Variants in EPHB2 observed in about 807,000 individuals in gnomAD.
The protein encoded by EPHB2 is EPH receptor B2.
EPHB2 carries 18 observed loss-of-function variants against 96.4 expected under a neutral mutation model. The ratio of observed to expected loss-of-function variants is 0.19; its 90% CI spans 0.13 to 0.28. The LOEUF is 0.28. Ranked by LOEUF, EPHB2 falls within the 10% of genes least tolerant of loss-of-function variation. The pLI, the probability that EPHB2 is intolerant of heterozygous loss-of-function variation, is 1.00. For missense variants in EPHB2, 989 were observed against 1,355.4 expected, an observed-to-expected ratio of 0.73 and a Z score of 4.25; for synonymous variants, 506 against 534.1, an observed-to-expected ratio of 0.95 and a Z score of 0.72.
intron 1 of EPHB2, among the ~76,000 whole-genome samples, chr1:22,732,115 C>T (rs1364135742): frequency 6.6e-6 from 1 of 152,264 alleles, no homozygotes; most frequent in Non-Finnish European, 1.5e-5. Context: ...CACAACCTTC[C>T]TGAGCTCCAG....
intron 3 of EPHB2, among the ~76,000 whole-genome samples, chr1:22,787,579 G>A (rs746952903): frequency 2.0e-5 from 3 of 152,112 alleles, no homozygotes; most frequent in Admixed American, 6.5e-5. Context: ...GTGAGACCCT[G>A]TCTCTACAAA....
In EPHB2 at chr1:22,791,180, CT is replaced by C. The variant is rs376108373; in HGVS notation, c.811+6115del. ...TATGAACACTGTCTTTGCCTGTGAA[CT>C]TTTTTTTTTTCCTGGTGAGCTTTTT... On this transcript the variant is annotated intron_variant, in intron 3 of 15. Coordinates refer to ENST00000374630, the MANE Select transcript of EPHB2 (RefSeq NM_017449.5). 4.5e-3 allele frequency among the ~76,000 whole-genome samples: 667 copies of C among 147,704 alleles called. 10 individuals are homozygous for C. The highest frequency in any genetic ancestry group is 0.015 in the African/African-American group (597 of 40,546).
chr1:22,808,874 C>G (rs1282743021), intron 3 of EPHB2, among the ~76,000 whole-genome samples: 1 of 152,242 alleles, frequency 6.6e-6, no homozygotes, highest in East Asian at 1.9e-4. Flanking sequence ...GTCATGCTCT[C>G]AACCACTATG....
Position 22,910,696 on chromosome 1 carries a change from G to A in EPHB2, c.2696+121G>A, listed in dbSNP as rs908257559. 30 of 1,306,488 alleles carry A rather than the reference G, an allele frequency of 2.3e-5. 1 individual carries two copies. Among genetic ancestry groups the A allele is most frequent in the Non-Finnish European group, 2.6e-5 (24 of 931,164 alleles). 80.9% of individuals were successfully genotyped at this position (1,306,488 alleles called of 1,614,324 possible). A position where few individuals can be genotyped will look rare whatever the true frequency, so the allele number is the denominator to read the frequency against. On this transcript the variant is annotated intron_variant, in intron 14 of 15. Coordinates refer to ENST00000374630, the MANE Select transcript of EPHB2 (RefSeq NM_017449.5). ...CTGCAGCTTGGGATGGGGAAGGACA[G>A]GACTAGTGTTTATTGGGTACCTGCC...
intron 3 of EPHB2, among the ~76,000 whole-genome samples, chr1:22,829,196 G>A (rs1305596460): frequency 6.6e-6 from 1 of 152,270 alleles, no homozygotes; most frequent in African/African-American, 2.4e-5. Context: ...CCACTATGGG[G>A]CTGGGAGGTA....
In EPHB2 at chr1:22,720,394, C is replaced by T. The variant is rs78655189; in HGVS notation, c.61+9351C>T. ...GAAAATTTAATGGTGGGTTATCCAG[C>T]GTCCCACTCAACATGTCCTGACCCA... On this transcript the variant is annotated intron_variant, in intron 1 of 15. Transcript: ENST00000374630. 3.9e-3 allele frequency among the ~76,000 whole-genome samples: 593 copies of T among 152,282 alleles called. 5 individuals carry two copies. Among genetic ancestry groups the T allele is most frequent in the Non-Finnish European group, 5.2e-3 (356 of 68,028 alleles).
At chr1:22,764,568 A>G (rs554229052) in intron 1 of EPHB2, among the ~76,000 whole-genome samples, 68 of 152,244 alleles carry the variant, frequency 4.5e-4, no homozygotes, top group African/African-American at 1.4e-3. Context: ...CAACATGGTG[A>G]AACCCCGTCT....
At chr1:22,861,534 G>A (rs1449856352) in intron 3 of EPHB2, among the ~76,000 whole-genome samples, 2 of 152,174 alleles carry the variant, frequency 1.3e-5, no homozygotes, top group African/African-American at 4.8e-5. Context: ...AGCACTTGCT[G>A]GGTGCAGATT....
chr1:22,736,618 A>G lies in EPHB2; in HGVS notation c.61+25575A>G, dbSNP rs1414270534. On this transcript the variant is annotated intron_variant, in intron 1 of 15. Transcript: ENST00000374630. ...CTGGAGGGGGCCCCTTCACAGCTTC[A>G]GCACGAGGCCCTTTGAGGGTGGGGG... Among the ~76,000 whole-genome samples, 6 of 152,290 alleles carry G rather than the reference A, an allele frequency of 3.9e-5. No individual in the cohort carries two copies. The East Asian group carries it at 9.7e-4, about 25-fold the overall frequency.
chr1:22,748,321 T>TA (rs1319630856), intron 1 of EPHB2, among the ~76,000 whole-genome samples: 1 of 152,098 alleles, frequency 6.6e-6, no homozygotes. Flanking sequence ...CGTTGTTTCC[T>TA]AATTAGGTTC....
intron 3 of EPHB2, among the ~76,000 whole-genome samples, chr1:22,797,475 C>T (rs1644783592): frequency 6.6e-6 from 1 of 152,140 alleles, no homozygotes; most frequent in South Asian, 2.1e-4. Context: ...ATCTCCCGAC[C>T]TCTCCACCTT....
intron 3 of EPHB2, among the ~76,000 whole-genome samples, chr1:22,834,503 T>TA (rs1193469338): frequency 3.9e-5 from 6 of 152,236 alleles, no homozygotes; most frequent in African/African-American, 1.2e-4. Flanking sequence ...GTTAAAATTT[T>TA]AGCCTTTGTG....
Position 22,903,299 on chromosome 1 carries a change from T to C in EPHB2, c.1766-2688T>C, listed in dbSNP as rs544792954. Among the ~76,000 whole-genome samples the C allele has an allele frequency of 5.3e-5, 8 of 152,312 alleles. No individual in the cohort carries two copies. The East Asian group carries it at 1.4e-3, about 26-fold the overall frequency. Reference sequence around the variant, plus strand: ...CAGAAAGGGCCTCCCTGAGTCATGTTGGGAGGGAGGCTGAAAGCCAGTTGT... The same window carrying C: ...CAGAAAGGGCCTCCCTGAGTCATGTCGGGAGGGAGGCTGAAAGCCAGTTGT... On this transcript the variant is annotated intron_variant, in intron 9 of 15. Transcript: ENST00000374630.
intron 6 of EPHB2, among the ~76,000 whole-genome samples, chr1:22,885,505 A>G (rs1639195634): frequency 6.6e-6 from 1 of 152,230 alleles, no homozygotes; most frequent in African/African-American, 2.4e-5. Flanking sequence ...TTTCATGAGC[A>G]CTTGCTATGT....
chr1:22,872,080 C>T (rs548197494), intron 5 of EPHB2, among the ~76,000 whole-genome samples: 3 of 151,960 alleles, frequency 2.0e-5, no homozygotes, highest in African/African-American at 7.2e-5. Flanking sequence ...CAGGATGTGT[C>T]CTTTCTGATG....
intron 7 of EPHB2, among the ~76,000 whole-genome samples, chr1:22,894,972 C>G (rs781697825): frequency 7.2e-5 from 11 of 152,130 alleles, no homozygotes; most frequent in African/African-American, 9.7e-5. Context: ...AGTGCTTTAC[C>G]CAACAATCCT....
chr1:22,848,356 G>A (rs1353341366), intron 3 of EPHB2, among the ~76,000 whole-genome samples: 1 of 152,154 alleles, frequency 6.6e-6, no homozygotes, highest in Non-Finnish European at 1.5e-5. Context: ...CAGAGATAGT[G>A]GAAAACAAGC....
chr1:22,880,922 A>G (rs1387559971), intron 5 of EPHB2, among the ~76,000 whole-genome samples: 1 of 152,228 alleles, frequency 6.6e-6, no homozygotes, highest in Non-Finnish European at 1.5e-5. Flanking sequence ...TCGGCACCTC[A>G]GGCAGCTCAC....
intron 3 of EPHB2, among the ~76,000 whole-genome samples, chr1:22,789,002 G>GC (rs1395010561): frequency 3.3e-5 from 5 of 152,106 alleles, no homozygotes; most frequent in Non-Finnish European, 7.4e-5. Flanking sequence ...TGATCCACCT[G>GC]CCTTAGCCTC....
Sources: allele counts gnomAD v4.1 joint callset (sites outside exome capture counted in the v4.1 genomes callset), GRCh38; gene constraint gnomAD v4.1.1; transcripts MANE v1.5; gene names NCBI Gene and HGNC (gene_info 2026-07-23, HGNC 2026-07-21).